The following SPTB variants were observed in gnomAD, a reference collection of about 807,000 sequenced individuals.
SPTB encodes spectrin beta, erythrocytic.
A neutral mutation model predicts 256.2 loss-of-function variants in SPTB; 45 were observed. That is an observed-to-expected ratio of 0.18 (90% CI 0.14 to 0.23). SPTB has a LOEUF of 0.23. Among genes scored for constraint, SPTB ranks in the 10% least tolerant of loss-of-function variants. The pLI is 1.00. For missense variants in SPTB, 2,715 were observed against 3,040.4 expected, an observed-to-expected ratio of 0.89 and a Z score of 2.52; for synonymous variants, 1,231 against 1,243.1, an observed-to-expected ratio of 0.99 and a Z score of 0.21.
In SPTB at chr14:64,795,450, T is replaced by A; in HGVS notation, c.1531A>T (p.Ser511Cys). The change falls in exon 12 of 36, where the codon AGC becomes TGC. Residue 511 changes from serine to cysteine, a missense_variant. Physicochemically the swap from Ser to Cys is moderately radical, Grantham distance 112. Transcript: ENST00000644917. This position sits in a 1 kb window ranked among gnomAD's most constrained non-coding sequence, Gnocchi z 6.5. Reference sequence around the variant, plus strand: ...GACTGCAGCAGCTCCTGCAGGTAGCTCCATAGGCGCAGTATATTGTCCTTG... The same window carrying A: ...GACTGCAGCAGCTCCTGCAGGTAGCACCATAGGCGCAGTATATTGTCCTTG... ...ARKDNILRLW[S>C]YLQELLQSRR... 1 of 1,614,202 alleles carries A rather than the reference T, an allele frequency of 6.2e-7. No individual in the cohort carries two copies. The highest frequency in any genetic ancestry group is 8.5e-7 in the Non-Finnish European group (1 of 1,180,026).
intron 2 of SPTB, among the ~76,000 whole-genome samples, chr14:64,822,364 T>A (rs967414155): frequency 0.01 from 17 of 1,678 alleles, no homozygotes; most frequent in South Asian, 0.056. Flanking sequence ...TCTCTCTCTC[T>A]CTCTCTCTCT....
rs185977909 is a variant in SPTB at position 64,779,504 on chromosome 14, A to G, written c.4473+221T>C. Among the ~76,000 whole-genome samples, 35 of 152,360 alleles carry G rather than the reference A, an allele frequency of 2.3e-4. No individual in the cohort carries two copies. Among genetic ancestry groups the G allele is most frequent in the African/African-American group, 7.9e-4 (33 of 41,588 alleles). Reference sequence around the variant, plus strand: ...ACCCAAGTCTGTCTGACCCAAGTCCATGCTCTTCACCGAGCAATACTAGCA... The same window carrying G: ...ACCCAAGTCTGTCTGACCCAAGTCCGTGCTCTTCACCGAGCAATACTAGCA... On this transcript the variant is annotated intron_variant, in intron 21 of 35. Transcript: ENST00000644917. The surrounding 1 kb of genome is among the most constrained non-coding windows in gnomAD (Gnocchi z 4.2).
In SPTB at chr14:64,785,523, T is replaced by TG; in HGVS notation, c.3855+13dup. The TG allele has an allele frequency of 1.2e-6, 2 of 1,607,886 alleles. No homozygotes were observed. Among genetic ancestry groups the TG allele is most frequent in the Non-Finnish European group, 1.7e-6 (2 of 1,177,264 alleles). On this transcript the variant is annotated intron_variant, in intron 18 of 35. Coordinates refer to ENST00000644917, the MANE Select transcript of SPTB (RefSeq NM_001355436.2). This position sits in a 1 kb window ranked among gnomAD's most constrained non-coding sequence, Gnocchi z 4.4. ...AATCTCCAGGAAAGCAGCCACTCCT[T>TG]GCTGGAGCCTCACCTCCTGGCAGTT...
chr14:64,855,925 C>T (rs2083866405), intron 1 of SPTB, among the ~76,000 whole-genome samples: 1 of 152,150 alleles, frequency 6.6e-6, no homozygotes. Context: ...TGCTCAGTGC[C>T]ACTGAGAGGC....
At chr14:64,794,114 T>C (rs570110943) in intron 13 of SPTB, among the ~76,000 whole-genome samples, 42 of 152,304 alleles carry the variant, frequency 2.8e-4, no homozygotes, top group African/African-American at 7.0e-4. Context: ...ATGTACAACA[T>C]AAAATTATTT....
intron 24 of SPTB, 48 bp downstream of exon 24, chr14:64,774,349 G>C (rs2139510618): frequency 6.4e-7 from 1 of 1,557,488 alleles, no homozygotes; most frequent in Admixed American, 1.8e-5. Flanking sequence ...GTGGGCCCCT[G>C]GCTCAATCCC....
At chr14:64,830,656 T>G (rs749489229) in intron 1 of SPTB, among the ~76,000 whole-genome samples, 50 of 152,154 alleles carry the variant, frequency 3.3e-4, no homozygotes, top group Admixed American at 2.0e-3. Context: ...CAGGCCCTCA[T>G]CTCTTCCCAC....
rs3742601 is a variant in SPTB, at chr14:64,793,825, C to A, written c.1838G>T (p.Ser613Ile). 1,651 of 1,611,054 alleles carry A rather than the reference C, an allele frequency of 1.0e-3. 19 individuals carry two copies. The East Asian group carries it at 0.017, about 17-fold the overall frequency. The part of the protein sequence containing the change: ...CDPQVIQDRI[S>I]HLEQCFEELS... ...CTCCTCAAAGCACTGCTCCAAGTGG[C>A]TGATGCGGTCCTGGATGACCTGGGG... The change falls in exon 14 of 36, where the codon AGC becomes ATC. Residue 613 changes from serine to isoleucine, a missense_variant. Ser to Ile is a moderately radical substitution (Grantham distance 142). Around this residue, in one of 4 missense-constraint regions of SPTB, gnomAD observed 2,239 missense variants for 2,384.4 expected, o/e 0.94. Coordinates refer to ENST00000644917, the MANE Select transcript of SPTB (RefSeq NM_001355436.2). The surrounding 1 kb of genome is among the most constrained non-coding windows in gnomAD (Gnocchi z 7.0).
chr14:64,773,366 C>G lies in SPTB; in HGVS notation c.5032G>C (p.Val1678Leu), dbSNP rs188341589. ...AGCTTGCGCTTGCGCTCTTCCGCCA[C>G]GTCCTTCAGCCCTGCGTAGTGCTTG... The part of the protein sequence containing the change: ...VDKHYAGLKD[V>L]AEERKRKLEN... The change falls in exon 25 of 36, where the codon GTG becomes CTG. Residue 1678 changes from valine (V) to leucine (L), a missense_variant. This residue lies in a region of SPTB where 2,239 missense variants were observed against 2,384.4 expected (regional missense o/e 0.94). Transcript: ENST00000644917. 6.2e-7 allele frequency: 1 copy of G among 1,614,218 alleles called. No individual in the cohort carries two copies. Among genetic ancestry groups the G allele is most frequent in the Non-Finnish European group, 8.5e-7 (1 of 1,180,034 alleles).
chr14:64,828,248 C>T (rs531663718), intron 1 of SPTB, among the ~76,000 whole-genome samples: 94 of 151,438 alleles, frequency 6.2e-4, no homozygotes, highest in Non-Finnish European at 1.0e-3. Flanking sequence ...CCACTCTCAT[C>T]ATGGAAAAAT....
intron 1 of SPTB, among the ~76,000 whole-genome samples, chr14:64,829,400 C>A (rs1411659321): frequency 6.6e-6 from 1 of 152,100 alleles, no homozygotes; most frequent in Non-Finnish European, 1.5e-5. Flanking sequence ...ATATAATGCA[C>A]CTTGTTTGGA....
At position 64,749,724 on chromosome 14, in the gene SPTB, G is replaced by A. The variant is rs144652241; in HGVS notation, c.6777-28C>T. On this transcript the variant is annotated intron_variant, in intron 34 of 35. Transcript: ENST00000644917. The surrounding 1 kb of genome is among the most constrained non-coding windows in gnomAD (Gnocchi z 4.7). The stretch of plus-strand genomic sequence containing the variant: ...AGGAGGACAAAGGGTTTCCTGTCAT[G>A]GAGACACCTCTGGAGGGGGCGCTGG... 2.0e-3 allele frequency: 3,303 copies of A among 1,612,092 alleles called. 72 individuals are homozygous for A. The African/African-American group carries it at 0.039, about 19-fold the overall frequency.
intron 1 of SPTB, among the ~76,000 whole-genome samples, chr14:64,829,781 C>T (rs1594821992): frequency 6.6e-6 from 1 of 152,234 alleles, no homozygotes; most frequent in Non-Finnish European, 1.5e-5. Context: ...ATGCCTTAGG[C>T]ACAACTGGAA....
Position 64,772,855 on chromosome 14 carries a change from C to T in SPTB, c.5278G>A (p.Ala1760Thr), listed in dbSNP as rs745859916. The T allele has an allele frequency of 5.0e-6, 8 of 1,612,726 alleles. No individual in the cohort carries two copies. The highest frequency in any genetic ancestry group is 1.7e-4 in the Middle Eastern group (1 of 6,058). ...VNAFIERLID[A>T]GHSEAATIAE... ...ATGGTGGCCGCCTCGCTGTGGCCCGCGTCGATGAGTCGCTCGATGAAGGCA... is the reference window on the plus strand; with the variant it reads ...ATGGTGGCCGCCTCGCTGTGGCCCGTGTCGATGAGTCGCTCGATGAAGGCA... The change falls in exon 26 of 36, where the codon GCG (alanine) becomes ACG (threonine). Residue 1760 changes from alanine to threonine, a missense_variant. Physicochemically the swap from Ala to Thr is moderately conservative, Grantham distance 58. Coordinates refer to ENST00000644917, the MANE Select transcript of SPTB (RefSeq NM_001355436.2). This position sits in a 1 kb window ranked among gnomAD's most constrained non-coding sequence, Gnocchi z 5.4.
Position 64,749,387 on chromosome 14 carries a change from C to T in SPTB, c.6906G>A (p.Leu2302=), listed in dbSNP as rs991130228. The T allele has an allele frequency of 3.4e-5, 55 of 1,609,756 alleles. No homozygotes were observed. The highest frequency in any genetic ancestry group is 4.6e-5 in the Non-Finnish European group (54 of 1,179,778). The change falls in exon 36 of 36, where the codon CTG becomes CTA. Residue 2302 remains leucine (L), a synonymous_variant. Transcript: ENST00000644917. The surrounding 1 kb of genome is among the most constrained non-coding windows in gnomAD (Gnocchi z 4.7). ...TGGCGTCGGGGCCGGAGAGGGAAGGCAGGGGCAGGCTCTGCGCCTTGACGC... is the reference window on the plus strand; with the variant it reads ...TGGCGTCGGGGCCGGAGAGGGAAGGTAGGGGCAGGCTCTGCGCCTTGACGC... ...SIRVKAQSLP[L]PSLSGPDASL...
intron 2 of SPTB, 39 bp downstream of exon 2, chr14:64,822,908 G>A: frequency 6.2e-7 from 1 of 1,612,298 alleles, no homozygotes; most frequent in Non-Finnish European, 8.5e-7. Context: ...CCTTGTGACT[G>A]TGAGAATGCC....
In SPTB at chr14:64,775,533, G is replaced by C; in HGVS notation, c.4564-130C>G. The C allele has an allele frequency of 8.0e-7, 1 of 1,256,524 alleles. No homozygotes were observed. The highest frequency in any genetic ancestry group is 1.5e-5 in the South Asian group (1 of 65,206). The allele number at this position is 1,256,524 out of a possible 1,614,324, so 77.8% of individuals were successfully genotyped here. On this transcript the variant is annotated intron_variant, in intron 22 of 35. Coordinates refer to ENST00000644917, the MANE Select transcript of SPTB (RefSeq NM_001355436.2). This position sits in a 1 kb window ranked among gnomAD's most constrained non-coding sequence, Gnocchi z 5.0. ...CGTTGCTAGAGCAGAGCAGGTGATG[G>C]CGATAAGAACTACCAATGACCTCTT...
chr14:64,842,593 A>C lies in SPTB; in HGVS notation c.-51-19448T>G, dbSNP rs575055563. On this transcript the variant is annotated intron_variant, in intron 1 of 35. Transcript: ENST00000644917. ...CACTGCTGTTTGGATCAAATGAGAT[A>C]ATGTATTTAAAGTCCTTAATAGCGT... Among the ~76,000 whole-genome samples the C allele has an allele frequency of 2.0e-5, 3 of 152,320 alleles. No individual in the cohort carries two copies. The East Asian group carries it at 5.8e-4, about 29-fold the overall frequency.
At position 64,824,696 on chromosome 14, in the gene SPTB, C is replaced by T. The variant is rs1234779157; in HGVS notation, c.-51-1551G>A. On this transcript the variant is annotated intron_variant, in intron 1 of 35. Coordinates refer to ENST00000644917, the MANE Select transcript of SPTB (RefSeq NM_001355436.2). The surrounding 1 kb of genome is among the most constrained non-coding windows in gnomAD (Gnocchi z 5.7). ...TGCACCCACGGCACACACACAGGCT[C>T]ATATCTGACACACTGACACACACCA... Among the ~76,000 whole-genome samples the T allele has an allele frequency of 6.6e-6, 1 of 151,950 alleles. No individual in the cohort carries two copies. Among genetic ancestry groups the T allele is most frequent in the Non-Finnish European group, 1.5e-5 (1 of 68,006 alleles).
Sources: allele counts gnomAD v4.1 joint callset (sites outside exome capture counted in the v4.1 genomes callset), GRCh38; gene constraint gnomAD v4.1.1; regional missense constraint gnomAD v4.1.1; non-coding constraint Gnocchi (gnomAD v3.1); transcripts MANE v1.5; gene names NCBI Gene and HGNC (gene_info 2026-07-23, HGNC 2026-07-21).